The following ZNF772 variants were observed in gnomAD, a reference collection of about 807,000 sequenced individuals.
ZNF772 encodes zinc finger protein 772.
Under a neutral mutation model 11.0 loss-of-function variants are expected in ZNF772, and 8 were observed. The observed-to-expected ratio is 0.73, with a 90% CI of 0.43 to 1.31. The LOEUF (loss-of-function observed/expected upper bound fraction) is 1.31. Among genes scored for constraint, ZNF772 ranks in the 50% most tolerant of loss-of-function variants. The pLI, the probability that ZNF772 is intolerant of heterozygous loss-of-function variation, is 0.01. For synonymous variants in ZNF772, 155 were observed against 180.4 expected, an observed-to-expected ratio of 0.86 and a Z score of 1.13; for missense variants, 496 against 552.3, an observed-to-expected ratio of 0.90 and a Z score of 1.02.
rs556158828 is a variant in ZNF772 at position 57,475,408 on chromosome 19, C to G, written c.199+252G>C. ...GAAAGGACAAGATGGATATGACCCA[C>G]TGGGCTGACAATACAATGCATAACT... On this transcript the variant is annotated intron_variant, in intron 3 of 3. Coordinates refer to ENST00000356584, the MANE Select transcript of ZNF772 (RefSeq NM_001144068.2). The surrounding 1 kb of genome is among the most constrained non-coding windows in gnomAD (Gnocchi z 4.2). Among the ~76,000 whole-genome samples, 28 of 152,228 alleles carry G rather than the reference C, an allele frequency of 1.8e-4. No individual in the cohort carries two copies. The highest frequency in any genetic ancestry group is 3.4e-4 in the Non-Finnish European group (23 of 68,044).
Position 57,472,171 on chromosome 19 carries a change from T to C in ZNF772, c.*1103A>G, listed in dbSNP as rs1384193168. 6 of 456,228 alleles carry C rather than the reference T, an allele frequency of 1.3e-5. No homozygotes were observed. Among genetic ancestry groups the C allele is most frequent in the Admixed American group, 7.0e-5 (3 of 42,572 alleles). The allele number at this position is 456,228 out of a possible 1,614,324, so 28.3% of individuals were successfully genotyped here. A position where few individuals can be genotyped will look rare whatever the true frequency, so the allele number is the denominator to read the frequency against. Reference sequence around the variant, plus strand: ...ACCTTTAGAAGGGTCATATTCCCTATAGTTTGCTGCAGTTTTCTCATTCCT... The same window carrying C: ...ACCTTTAGAAGGGTCATATTCCCTACAGTTTGCTGCAGTTTTCTCATTCCT... On this transcript the variant is annotated 3_prime_UTR_variant, in exon 4 of 4. Coordinates refer to ENST00000356584, the MANE Select transcript of ZNF772 (RefSeq NM_001144068.2).
intron 2 of ZNF772, 23 bp downstream of exon 2, chr19:57,476,611 G>C (rs2123159890): frequency 6.2e-7 from 1 of 1,613,564 alleles, no homozygotes; most frequent in Non-Finnish European, 8.5e-7. Context: ...GGATCGGTGA[G>C]AGCATGGACA....
chr19:57,472,264 A>G lies in ZNF772; in HGVS notation c.*1010T>C. On this transcript the variant is annotated 3_prime_UTR_variant, in exon 4 of 4. Coordinates refer to ENST00000356584, the MANE Select transcript of ZNF772 (RefSeq NM_001144068.2). ...GCCTTCTGGAGGACAGCCAATATCA[A>G]CTGCCTACTGAAAAATAGACTTCAG... 1 of 436,836 alleles carries G rather than the reference A, an allele frequency of 2.3e-6. No homozygotes were observed. The highest frequency in any genetic ancestry group is 2.0e-5 in the African/African-American group (1 of 48,998). The allele number at this position is 436,836 out of a possible 1,614,324, so 27.1% of individuals were successfully genotyped here.
Position 57,475,039 on chromosome 19 carries a change from C to A in ZNF772, c.200-618G>T. On this transcript the variant is annotated intron_variant, in intron 3 of 3. Transcript: ENST00000356584. The surrounding 1 kb of genome is among the most constrained non-coding windows in gnomAD (Gnocchi z 4.2). ...TCCTACTCACCAGGGTCACTCCCAC[C>A]TGGAGTCTCTGTGGCAACAGCTAGG... 1 of 1,614,198 alleles carries A rather than the reference C, an allele frequency of 6.2e-7. No individual in the cohort carries two copies. The highest frequency in any genetic ancestry group is 8.5e-7 in the Non-Finnish European group (1 of 1,180,030).
At position 57,472,170 on chromosome 19, in the gene ZNF772, A is replaced by G. The variant is rs2089222542; in HGVS notation, c.*1104T>C. On this transcript the variant is annotated 3_prime_UTR_variant, in exon 4 of 4. Coordinates refer to ENST00000356584, the MANE Select transcript of ZNF772 (RefSeq NM_001144068.2). ...TACCTTTAGAAGGGTCATATTCCCTATAGTTTGCTGCAGTTTTCTCATTCC... is the reference window on the plus strand; with the variant it reads ...TACCTTTAGAAGGGTCATATTCCCTGTAGTTTGCTGCAGTTTTCTCATTCC... The G allele has an allele frequency of 2.2e-6, 1 of 456,096 alleles. No individual in the cohort carries two copies. Among genetic ancestry groups the G allele is most frequent in the Non-Finnish European group, 4.4e-6 (1 of 226,950 alleles). 28.3% of individuals were successfully genotyped at this position (456,096 alleles called of 1,614,324 possible). A position where few individuals can be genotyped will look rare whatever the true frequency, so the allele number is the denominator to read the frequency against.
At chr19:57,476,612 A>C (rs768393909) in intron 2 of ZNF772, 22 bp downstream of exon 2, 1 of 1,613,280 alleles carries the variant, frequency 6.2e-7, no homozygotes, top group Non-Finnish European at 8.5e-7. Context: ...GATCGGTGAG[A>C]GCATGGACAT....
Position 57,473,277 on chromosome 19 carries a change from A to C in ZNF772, c.1344T>G (p.Pro448=). Reference sequence around the variant, plus strand: ...GGAAACGGAATTATCTCCCATCCTAAGGCCTTTCTCCAGTGTGAATTTTCC... The same window carrying C: ...GGAAACGGAATTATCTCCCATCCTACGGCCTTTCTCCAGTGTGAATTTTCC... ...RHWKIHTGER[P] The change falls in exon 4 of 4, where the codon CCT becomes CCG. Residue 448 remains proline, a synonymous_variant. Coordinates refer to ENST00000356584, the MANE Select transcript of ZNF772 (RefSeq NM_001144068.2). 1 of 1,611,160 alleles carries C rather than the reference A, an allele frequency of 6.2e-7. No homozygotes were observed. Among genetic ancestry groups the C allele is most frequent in the Non-Finnish European group, 8.5e-7 (1 of 1,177,910 alleles).
Position 57,477,516 on chromosome 19 carries a change from T to C in ZNF772, c.-207A>G. The stretch of plus-strand genomic sequence containing the variant: ...GCGTTCTGGAAACTAAACCAGTGGA[T>C]TAATGGAAAAGCAAACAAAATGTCC... On this transcript the variant is annotated 5_prime_UTR_variant, in exon 1 of 4. Coordinates refer to ENST00000356584, the MANE Select transcript of ZNF772 (RefSeq NM_001144068.2). 1 of 533,004 alleles carries C rather than the reference T, an allele frequency of 1.9e-6. No homozygotes were observed. Among genetic ancestry groups the C allele is most frequent in the East Asian group, 3.4e-5 (1 of 29,610 alleles). 33.0% of individuals were successfully genotyped at this position (533,004 alleles called of 1,614,324 possible).
In ZNF772 at chr19:57,470,448, C is replaced by A. The variant is rs1464517550; in HGVS notation, c.*2826G>T. 6.6e-6 allele frequency: 1 copy of A among 152,038 alleles called. No individual in the cohort carries two copies. The highest frequency in any genetic ancestry group is 1.5e-5 in the Non-Finnish European group (1 of 68,006). The allele number at this position is 152,038 out of a possible 1,614,324, so 9.4% of individuals were successfully genotyped here. On this transcript the variant is annotated 3_prime_UTR_variant, in exon 4 of 4. Transcript: ENST00000356584. ...GATTTTTAACATTAACATCTCTTCCCCATATTAGGGGAAAAAAACCCAAAG... is the reference window on the plus strand; with the variant it reads ...GATTTTTAACATTAACATCTCTTCCACATATTAGGGGAAAAAAACCCAAAG...
chr19:57,474,465 G>C, intron 3 of ZNF772, 44 bp from the exon 4 acceptor site: 2 of 1,557,554 alleles, frequency 1.3e-6, no homozygotes, highest in Non-Finnish European at 1.7e-6. Context: ...TGACACAGGT[G>C]GAAGAGGGGA....
At position 57,475,199 on chromosome 19, in the gene ZNF772, A is replaced by G; in HGVS notation, c.199+461T>C. On this transcript the variant is annotated intron_variant, in intron 3 of 3. Transcript: ENST00000356584. This position sits in a 1 kb window ranked among gnomAD's most constrained non-coding sequence, Gnocchi z 4.2. Reference sequence around the variant, plus strand: ...CTGGGTAACCCATATAGAAAACTAAATATTATTAAAATAATCTCAGAGTAA... The same window carrying G: ...CTGGGTAACCCATATAGAAAACTAAGTATTATTAAAATAATCTCAGAGTAA... The G allele has an allele frequency of 6.3e-7, 1 of 1,598,230 alleles. No homozygotes were observed.
chr19:57,474,390 T>G lies in ZNF772; in HGVS notation c.231A>C (p.Ile77=). The part of the protein sequence containing the change: ...GCWHGMEDEE[I]PFEQSFSIGM... Reference sequence around the variant, plus strand: ...CTATAGAAAAGCTCTGCTCAAAAGGTATCTCTTCATCCTCCATTCCATGCC... The same window carrying G: ...CTATAGAAAAGCTCTGCTCAAAAGGGATCTCTTCATCCTCCATTCCATGCC... The change falls in exon 4 of 4, where the codon ATA becomes ATC. Residue 77 remains isoleucine, a synonymous_variant. Transcript: ENST00000356584. The G allele has an allele frequency of 6.2e-7, 1 of 1,608,750 alleles. No homozygotes were observed. Among genetic ancestry groups the G allele is most frequent in the Non-Finnish European group, 8.5e-7 (1 of 1,179,462 alleles).
chr19:57,472,221 A>C lies in ZNF772; in HGVS notation c.*1053T>G. 1 of 455,178 alleles carries C rather than the reference A, an allele frequency of 2.2e-6. No individual in the cohort carries two copies. The highest frequency in any genetic ancestry group is 1.6e-5 in the South Asian group (1 of 64,268). The allele number at this position is 455,178 out of a possible 1,614,324, so 28.2% of individuals were successfully genotyped here. On this transcript the variant is annotated 3_prime_UTR_variant, in exon 4 of 4. Coordinates refer to ENST00000356584, the MANE Select transcript of ZNF772 (RefSeq NM_001144068.2). ...TTTATTAATCTGGGTTTCTGCACCA[A>C]CTATGATTCCTACCTGGGCCTTCTG...
Position 57,473,212 on chromosome 19 carries a change from C to T in ZNF772, c.*62G>A. 2.0e-6 allele frequency: 3 copies of T among 1,511,230 alleles called. No individual in the cohort carries two copies. Among genetic ancestry groups the T allele is most frequent in the Non-Finnish European group, 2.7e-6 (3 of 1,112,828 alleles). 93.6% of individuals were successfully genotyped at this position (1,511,230 alleles called of 1,614,324 possible). A position where few individuals can be genotyped will look rare whatever the true frequency, so the allele number is the denominator to read the frequency against. ...CTGTCGGCTACACATAAAGGCTATG[C>T]TTGGAGCTTCTCTCTGATGTCAGTT... On this transcript the variant is annotated 3_prime_UTR_variant, in exon 4 of 4. Transcript: ENST00000356584.
Position 57,476,650 on chromosome 19 carries a change from A to G in ZNF772, c.56T>C (p.Ile19Thr), listed in dbSNP as rs772076032. 5 of 1,606,864 alleles carry G rather than the reference A, an allele frequency of 3.1e-6. No individual in the cohort carries two copies. Among genetic ancestry groups the G allele is most frequent in the Admixed American group, 3.4e-5 (2 of 58,894 alleles). The change falls in exon 2 of 4, where the codon ATT (isoleucine) becomes ACT (threonine). Residue 19 changes from isoleucine (I) to threonine (T), a missense_variant. Physicochemically the swap from Ile to Thr is moderately conservative, Grantham distance 89 (BLOSUM62 -1). Coordinates refer to ENST00000356584, the MANE Select transcript of ZNF772 (RefSeq NM_001144068.2). ...PAQVPMNSEVIVDPIQGQVNF... is the reference protein window; with the variant it reads ...PAQVPMNSEVTVDPIQGQVNF... ...TCCCCTCACCTGTATAGGGTCCACA[A>G]TTACTTCTGAGTTCATGGGAACCTG...
rs774013917 is a variant in ZNF772 at position 57,473,797 on chromosome 19, T to C, written c.824A>G (p.His275Arg). The change falls in exon 4 of 4, where the codon CAC (histidine) becomes CGC (arginine). Residue 275 changes from histidine to arginine, a missense_variant. Transcript: ENST00000356584. ...ACACTCATAAGGCATTTCTCCAGTG[T>C]GGATTCTCTGGTGCTGAGCAAGTAT... Reference protein sequence around the residue: ...KPILAQHQRIHTGEMPYECGI... With the variant: ...KPILAQHQRIRTGEMPYECGI... 4.3e-6 allele frequency: 7 copies of C among 1,614,138 alleles called. No homozygotes were observed. Among genetic ancestry groups the C allele is most frequent in the Non-Finnish European group, 5.1e-6 (6 of 1,179,990 alleles).
At position 57,472,368 on chromosome 19, in the gene ZNF772, C is replaced by A. The variant is rs1317736323; in HGVS notation, c.*906G>T. The A allele has an allele frequency of 2.9e-6, 1 of 343,028 alleles. No homozygotes were observed. The highest frequency in any genetic ancestry group is 2.2e-5 in the African/African-American group (1 of 46,078). The allele number at this position is 343,028 out of a possible 1,614,324, so 21.2% of individuals were successfully genotyped here. ...TGAAGTATCTTCTGGGAACAAGGGA[C>A]GTAATTCATGTTGCTCCCAGACACA... On this transcript the variant is annotated 3_prime_UTR_variant, in exon 4 of 4. Transcript: ENST00000356584.
chr19:57,472,241 C>G lies in ZNF772; in HGVS notation c.*1033G>C, dbSNP rs2089223601. The G allele has an allele frequency of 1.6e-5, 7 of 450,850 alleles. No individual in the cohort carries two copies. The highest frequency in any genetic ancestry group is 1.1e-4 in the South Asian group (7 of 63,568). 27.9% of individuals were successfully genotyped at this position (450,850 alleles called of 1,614,324 possible). The stretch of plus-strand genomic sequence containing the variant: ...CACCAACTATGATTCCTACCTGGGC[C>G]TTCTGGAGGACAGCCAATATCAACT... On this transcript the variant is annotated 3_prime_UTR_variant, in exon 4 of 4. Coordinates refer to ENST00000356584, the MANE Select transcript of ZNF772 (RefSeq NM_001144068.2).
In ZNF772 at chr19:57,473,695, T is replaced by G; in HGVS notation, c.926A>C (p.Tyr309Ser). 1 of 1,614,250 alleles carries G rather than the reference T, an allele frequency of 6.2e-7. No individual in the cohort carries two copies. Among genetic ancestry groups the G allele is most frequent in the Non-Finnish European group, 8.5e-7 (1 of 1,180,048 alleles). ...HQRVHTGARPYKCSECGKAYS... is the reference protein window; with the variant it reads ...HQRVHTGARPSKCSECGKAYS... ...GGCTTTCCCACATTCACTGCACTTG[T>G]AAGGCCTTGCTCCAGTGTGTACTCT... The change falls in exon 4 of 4, where the codon TAC becomes TCC. Residue 309 changes from tyrosine to serine, a missense_variant. Coordinates refer to ENST00000356584, the MANE Select transcript of ZNF772 (RefSeq NM_001144068.2).
Sources: gnomAD v4.1 joint callset for allele counts (sites outside exome capture counted in the v4.1 genomes callset) on GRCh38, gnomAD v4.1.1 for gene constraint, Gnocchi (gnomAD v3.1) non-coding constraint, MANE v1.5 for transcripts, NCBI Gene and HGNC (gene_info 2026-07-23, HGNC 2026-07-21) for gene names.